The following CNBD1 variants were observed in gnomAD, a reference collection of about 807,000 sequenced individuals.
The protein encoded by CNBD1 is cyclic nucleotide-binding domain-containing protein 1.
A neutral mutation model predicts 54.4 loss-of-function variants in CNBD1; 71 were observed. That is an observed-to-expected ratio of 1.30 (90% CI 1.08 to 1.59). CNBD1 has a LOEUF of 1.59. Ranked by LOEUF, CNBD1 falls within the 40% of genes most tolerant of loss-of-function variation. CNBD1 has a pLI of 0.00. For missense variants in CNBD1, 659 were observed against 518.0 expected (o/e 1.27, Z -2.64); for synonymous variants, 182 against 170.7 (o/e 1.07, Z -0.51).
chr8:87,189,783 T>C (rs1269835402), intron 4 of CNBD1, among the ~76,000 whole-genome samples: 1 of 152,152 alleles, frequency 6.6e-6, no homozygotes, highest in Admixed American at 6.5e-5. Context: ...ATCTGGATGA[T>C]CAAATAAAAT....
intron 4 of CNBD1, among the ~76,000 whole-genome samples, chr8:87,203,127 G>A (rs1012202832): frequency 1.3e-5 from 2 of 152,094 alleles, no homozygotes; most frequent in African/African-American, 4.8e-5. Flanking sequence ...TCTATTCGTT[G>A]AATGGGAATA....
chr8:87,033,634 G>A (rs971581484), intron 4 of CNBD1, among the ~76,000 whole-genome samples: 1 of 152,098 alleles, frequency 6.6e-6, no homozygotes, highest in Non-Finnish European at 1.5e-5. Context: ...TTAAATCGTG[G>A]TGCTCATTTA....
chr8:87,352,882 G>A lies in CNBD1; in HGVS notation c.1153-754G>A, dbSNP rs189196160. The stretch of plus-strand genomic sequence containing the variant: ...CATTTATATAGGTGCAAATATTCAA[G>A]TTATATTGGATTTGACTCCAGGTTA... On this transcript the variant is annotated intron_variant, in intron 9 of 10. Coordinates refer to ENST00000518476, the MANE Select transcript of CNBD1 (RefSeq NM_173538.3). Among the ~76,000 whole-genome samples the A allele has an allele frequency of 1.4e-4, 22 of 152,234 alleles. 1 individual carries two copies. Among genetic ancestry groups the A allele is most frequent in the Middle Eastern group, 3.4e-3 (1 of 294 alleles).
chr8:87,135,107 A>T (rs1812202425), intron 4 of CNBD1, among the ~76,000 whole-genome samples: 1 of 152,138 alleles, frequency 6.6e-6, no homozygotes, highest in Non-Finnish European at 1.5e-5. Context: ...GAAACACAAA[A>T]TTGAGTCTGA....
chr8:87,169,011 T>A (rs1813029020), intron 4 of CNBD1, among the ~76,000 whole-genome samples: 1 of 151,916 alleles, frequency 6.6e-6, no homozygotes, highest in South Asian at 2.1e-4. Context: ...TCCAAACCAC[T>A]CTCCATAGTG....
intron 4 of CNBD1, among the ~76,000 whole-genome samples, chr8:87,061,442 T>C (rs1326419642): frequency 6.6e-6 from 1 of 152,246 alleles, no homozygotes; most frequent in Non-Finnish European, 1.5e-5. Context: ...TTTTTCCTTC[T>C]GAATTTTTCT....
At chr8:86,887,453 T>C (rs907206349) in intron 1 of CNBD1, 89 bp from the exon 2 acceptor site, 14 of 782,094 alleles carry the variant, frequency 1.8e-5, no homozygotes, top group African/African-American at 1.4e-4. Context: ...TCTTTCACTA[T>C]GATGAATGTT....
At chr8:87,311,489 C>T (rs767399723) in intron 8 of CNBD1, among the ~76,000 whole-genome samples, 3 of 152,160 alleles carry the variant, frequency 2.0e-5, no homozygotes, top group Non-Finnish European at 4.4e-5. Flanking sequence ...AATGCCTGTC[C>T]ACAGTTGGTG....
intron 3 of CNBD1, among the ~76,000 whole-genome samples, chr8:86,927,941 C>T (rs529984458): frequency 3.3e-5 from 5 of 152,084 alleles, no homozygotes; most frequent in East Asian, 3.9e-4. Flanking sequence ...CTTGCAGGTT[C>T]CTCAGGGGGT....
At chr8:87,330,036 A>G (rs970196579) in intron 8 of CNBD1, among the ~76,000 whole-genome samples, 7 of 151,952 alleles carry the variant, frequency 4.6e-5, no homozygotes, top group Non-Finnish European at 1.0e-4. Context: ...GTTTTTGTAG[A>G]TATTCTATAT....
intron 4 of CNBD1, among the ~76,000 whole-genome samples, chr8:87,002,587 C>T (rs1809015516): frequency 6.6e-6 from 1 of 150,676 alleles, no homozygotes; most frequent in Admixed American, 6.6e-5. Flanking sequence ...CATGCTGAAA[C>T]CTTTTTTTTT....
chr8:86,956,362 G>A (rs1807769291), intron 4 of CNBD1, among the ~76,000 whole-genome samples: 2 of 152,092 alleles, frequency 1.3e-5, no homozygotes, highest in Non-Finnish European at 2.9e-5. Context: ...TTCCAATTCT[G>A]TGAAGAAAGT....
intron 1 of CNBD1, among the ~76,000 whole-genome samples, chr8:86,885,998 T>C: frequency 6.6e-6 from 1 of 152,224 alleles, no homozygotes; most frequent in East Asian, 1.9e-4. Context: ...TTTTGTCACC[T>C]GCTTTAAATG....
intron 10 of CNBD1, among the ~76,000 whole-genome samples, chr8:87,367,365 C>T (rs1275403704): frequency 1.3e-5 from 2 of 151,990 alleles, no homozygotes; most frequent in Admixed American, 6.6e-5. Context: ...TTTGAAGATC[C>T]CCTCTTTCAG....
chr8:87,290,100 C>A (rs1808759961), intron 8 of CNBD1, among the ~76,000 whole-genome samples: 1 of 152,016 alleles, frequency 6.6e-6, no homozygotes, highest in Admixed American at 6.6e-5. Flanking sequence ...TTTTTACTAA[C>A]TTAATTCCAG....
chr8:87,373,336 A>G (rs1253184836), intron 10 of CNBD1, among the ~76,000 whole-genome samples: 3 of 151,826 alleles, frequency 2.0e-5, no homozygotes, highest in Non-Finnish European at 4.4e-5. Flanking sequence ...ATTGAAATAT[A>G]TTGTTGACCC....
intron 3 of CNBD1, among the ~76,000 whole-genome samples, chr8:86,910,319 T>G (rs1367910499): frequency 6.6e-6 from 1 of 152,176 alleles, no homozygotes; most frequent in Admixed American, 6.5e-5. Flanking sequence ...AATTCCCTCT[T>G]GGTGATTGTG....
chr8:87,398,781 C>T (rs796719207), intron 2 of CNBD1, among the ~76,000 whole-genome samples: 1 of 151,964 alleles, frequency 6.6e-6, no homozygotes, highest in Admixed American at 6.6e-5. Context: ...TGCCTTAAGG[C>T]TTCTACATGC....
rs34829455 is a variant in CNBD1 at position 87,241,268 on chromosome 8, ATT to A, written c.771+4178_771+4179del. The stretch of plus-strand genomic sequence containing the variant: ...GGGCACAAAAATCTGTATTTGGAAG[ATT>A]TTTTTTTTTTTTTTTTTTTTTGAGG... On this transcript the variant is annotated intron_variant, in intron 6 of 10. Coordinates refer to ENST00000518476, the MANE Select transcript of CNBD1 (RefSeq NM_173538.3). Among the ~76,000 whole-genome samples, 244 of 93,808 alleles carry A rather than the reference ATT, an allele frequency of 2.6e-3. 1 individual carries two copies. The highest frequency in any genetic ancestry group is 9.1e-3 in the African/African-American group (186 of 20,488). 61.5% of individuals were successfully genotyped at this position (93,808 alleles called of 152,430 possible). A position where few individuals can be genotyped will look rare whatever the true frequency, so the allele number is the denominator to read the frequency against.
Sources: allele counts gnomAD v4.1 joint callset (sites outside exome capture counted in the v4.1 genomes callset), GRCh38; gene constraint gnomAD v4.1.1; transcripts MANE v1.5; gene names NCBI Gene and HGNC (gene_info 2026-07-23, HGNC 2026-07-21).